The following TTLL5 variants were observed in gnomAD, a reference collection of about 807,000 sequenced individuals.
TTLL5 encodes the protein tubulin tyrosine ligase like 5.
TTLL5 carries 132 observed loss-of-function variants against 168.4 expected under a neutral mutation model. The observed-to-expected ratio is 0.78, with a 90% CI of 0.68 to 0.91. TTLL5 has a LOEUF of 0.91. TTLL5 is among the 40% of genes least tolerant of loss of function. The probability of loss-of-function intolerance (pLI) is 0.00; values close to 1 mark genes in which losing one functional copy is unlikely to be tolerated. For synonymous variants in TTLL5, 546 were observed against 558.6 expected (o/e 0.98, Z 0.32); for missense variants, 1,545 against 1,581.5 (o/e 0.98, Z 0.39).
At chr14:75,901,426 C>T (rs907523877) in intron 30 of TTLL5, among the ~76,000 whole-genome samples, 1 of 152,198 alleles carries the variant, frequency 6.6e-6, no homozygotes, top group African/African-American at 2.4e-5. Context: ...GGCTAGGGAA[C>T]CTCTGCCCAA....
At chr14:75,878,404 C>T (rs2031617541) in intron 29 of TTLL5, among the ~76,000 whole-genome samples, 1 of 152,134 alleles carries the variant, frequency 6.6e-6, no homozygotes, top group Non-Finnish European at 1.5e-5. Flanking sequence ...TATGCCTATC[C>T]ACCTCTTGCT....
chr14:75,866,321 C>A (rs1268647885), intron 29 of TTLL5, among the ~76,000 whole-genome samples: 1 of 152,074 alleles, frequency 6.6e-6, no homozygotes, highest in Non-Finnish European at 1.5e-5. Flanking sequence ...TGGGGTTACC[C>A]TTTAGATAGC....
At chr14:75,789,732 G>A (rs551654580) in intron 26 of TTLL5, among the ~76,000 whole-genome samples, 1 of 152,058 alleles carries the variant, frequency 6.6e-6, no homozygotes. Context: ...TAAATAAATG[G>A]ATAAATATAC....
At chr14:75,806,027 A>G (rs1281468596) in intron 27 of TTLL5, among the ~76,000 whole-genome samples, 1 of 146,604 alleles carries the variant, frequency 6.8e-6, no homozygotes, top group South Asian at 2.1e-4. Flanking sequence ...GCTCTGAAAG[A>G]TTCTTTTTTT....
At chr14:75,763,676 C>T (rs1890800116) in intron 18 of TTLL5, among the ~76,000 whole-genome samples, 1 of 152,156 alleles carries the variant, frequency 6.6e-6, no homozygotes, top group South Asian at 2.1e-4. Context: ...ACCTGGTGAC[C>T]CAGAGCCCTC....
intron 9 of TTLL5, among the ~76,000 whole-genome samples, chr14:75,708,887 T>G (rs1594903979): frequency 6.6e-6 from 1 of 152,284 alleles, no homozygotes; most frequent in South Asian, 2.1e-4. Flanking sequence ...GGGTGTCCAA[T>G]CTTTTGGCTT....
At chr14:75,805,001 T>G (rs994460908) in intron 27 of TTLL5, among the ~76,000 whole-genome samples, 2 of 152,166 alleles carry the variant, frequency 1.3e-5, no homozygotes, top group African/African-American at 4.8e-5. Context: ...TCATCTTACT[T>G]GTACTGCCAA....
intron 2 of TTLL5, among the ~76,000 whole-genome samples, chr14:75,664,910 A>G (rs1328728537): frequency 6.6e-6 from 1 of 152,252 alleles, no homozygotes; most frequent in Non-Finnish European, 1.5e-5. Context: ...GTTAGATTGA[A>G]CTATATGAAA....
At chr14:75,932,587 A>G (rs950285374) in intron 31 of TTLL5, among the ~76,000 whole-genome samples, 2 of 152,202 alleles carry the variant, frequency 1.3e-5, no homozygotes, top group Non-Finnish European at 2.9e-5. Context: ...CAAGGAAGAA[A>G]GATGCAAACA....
intron 27 of TTLL5, among the ~76,000 whole-genome samples, chr14:75,800,898 G>C (rs747233270): frequency 6.6e-6 from 1 of 152,178 alleles, no homozygotes; most frequent in Non-Finnish European, 1.5e-5. Context: ...TGTGGACTCT[G>C]TGAGGGTCCT....
chr14:75,732,400 C>T lies in TTLL5; in HGVS notation c.1105C>T (p.Leu369Phe). The T allele has an allele frequency of 6.2e-7, 1 of 1,613,534 alleles. No individual in the cohort carries two copies. Among genetic ancestry groups the T allele is most frequent in the Non-Finnish European group, 8.5e-7 (1 of 1,179,714 alleles). Residue 369 changes from leucine to phenylalanine, a missense_variant, in exon 13 of 32, where the codon CTC (leucine) becomes TTC (phenylalanine). Transcript: ENST00000298832. Reference protein sequence around the residue: ...TLKPWLLEVNLSPSLACDAPL... With the variant: ...TLKPWLLEVNFSPSLACDAPL... ...GAAGCCATGGTTGTTGGAAGTGAAT[C>T]TCTCTCCTTCTTTGGCCTGGTAAGT...
intron 28 of TTLL5, among the ~76,000 whole-genome samples, chr14:75,827,707 C>CATTT: frequency 1.9e-5 from 1 of 53,204 alleles, no homozygotes; most frequent in South Asian, 1.4e-3. Context: ...TGGCTTGGTT[C>CATTT]TTTTTTTTTT....
At chr14:75,819,503 A>C (rs947387525) in intron 27 of TTLL5, among the ~76,000 whole-genome samples, 1 of 152,190 alleles carries the variant, frequency 6.6e-6, no homozygotes, top group African/African-American at 2.4e-5. Context: ...TTAATTGGCT[A>C]ATTGTATTCC....
intron 28 of TTLL5, among the ~76,000 whole-genome samples, chr14:75,823,878 G>C (rs1894972076): frequency 6.6e-6 from 1 of 152,094 alleles, no homozygotes; most frequent in Admixed American, 6.5e-5. Context: ...CTGTCCTTCT[G>C]CCCTCTTATT....
At chr14:75,892,942 G>A (rs557124546) in intron 30 of TTLL5, among the ~76,000 whole-genome samples, 3 of 152,238 alleles carry the variant, frequency 2.0e-5, no homozygotes, top group African/African-American at 7.2e-5. Context: ...CTTCAGACAC[G>A]GAGGAATGAG....
chr14:75,811,154 A>AGAGAGTGTGT (rs1196093315), intron 27 of TTLL5, among the ~76,000 whole-genome samples: 4 of 2,396 alleles, frequency 1.7e-3, no homozygotes, highest in South Asian at 0.038. Flanking sequence ...AATGAAAGAA[A>AGAGAGTGTGT]GAGTGTGTGT....
At position 75,783,511 on chromosome 14, in the gene TTLL5, T is replaced by C. The variant is rs188369148; in HGVS notation, c.2967T>C (p.Arg989=). The change falls in exon 26 of 32, where the codon CGT becomes CGC. Residue 989 remains arginine, a synonymous_variant. Transcript: ENST00000298832. Reference sequence around the variant, plus strand: ...ACATCTATAGCCAGAAACTGTCTCGTCCCTCTTCAGCAAAGGCAGGTGAGT... The same window carrying C: ...ACATCTATAGCCAGAAACTGTCTCGCCCCTCTTCAGCAAAGGCAGGTGAGT... The part of the protein sequence containing the change: ...AAHIYSQKLS[R]PSSAKAGSCY... 6.2e-7 allele frequency: 1 copy of C among 1,613,768 alleles called. No individual in the cohort carries two copies. Among genetic ancestry groups the C allele is most frequent in the East Asian group, 2.2e-5 (1 of 44,886 alleles).
chr14:75,911,477 GA>G (rs1472547194), intron 31 of TTLL5, among the ~76,000 whole-genome samples: 6 of 152,194 alleles, frequency 3.9e-5, no homozygotes, highest in Non-Finnish European at 8.8e-5. Flanking sequence ...ATGAGGTGAA[GA>G]AAAAGCAGCT....
intron 28 of TTLL5, among the ~76,000 whole-genome samples, chr14:75,859,673 CATT>C (rs1007688068): frequency 2.6e-5 from 4 of 151,962 alleles, no homozygotes; most frequent in African/African-American, 9.7e-5. Context: ...GTAGAAAAAA[CATT>C]ATTAGAAAAA....
Sources: allele counts gnomAD v4.1 joint callset (sites outside exome capture counted in the v4.1 genomes callset), GRCh38; gene constraint gnomAD v4.1.1; transcripts MANE v1.5; gene names NCBI Gene and HGNC (gene_info 2026-07-23, HGNC 2026-07-21).